Variants in DCC observed in about 807,000 individuals in gnomAD.
DCC encodes DCC netrin 1 receptor.
DCC carries 58 observed loss-of-function variants against 172.5 expected under a neutral mutation model. That is an observed-to-expected ratio of 0.34 (90% CI 0.27 to 0.42). DCC has a LOEUF of 0.42. DCC is among the 10% of genes least tolerant of loss of function. DCC has a pLI of 1.00. For synonymous variants in DCC, 709 were observed against 644.5 expected, an observed-to-expected ratio of 1.10 and a Z score of -1.52; for missense variants, 1,740 against 1,791.0, an observed-to-expected ratio of 0.97 and a Z score of 0.51.
At chr18:53,456,589 G>A (rs1448672817) in intron 23 of DCC, among the ~76,000 whole-genome samples, 2 of 152,158 alleles carry the variant, frequency 1.3e-5, no homozygotes, top group Non-Finnish European at 2.9e-5. Flanking sequence ...AGATTCACCT[G>A]GAGAGTGTTA....
At chr18:52,517,051 G>C (rs2048157235) in intron 1 of DCC, among the ~76,000 whole-genome samples, 1 of 152,154 alleles carries the variant, frequency 6.6e-6, no homozygotes, top group South Asian at 2.1e-4. Flanking sequence ...ACCAGTAAGA[G>C]CTCCACTGGC....
chr18:53,302,698 A>G (rs2057155430), intron 12 of DCC, among the ~76,000 whole-genome samples: 1 of 152,140 alleles, frequency 6.6e-6, no homozygotes. Flanking sequence ...TACTTGTGCT[A>G]TATTATCCTT....
chr18:52,791,009 A>C (rs1486781098), intron 2 of DCC, among the ~76,000 whole-genome samples: 3 of 152,082 alleles, frequency 2.0e-5, no homozygotes. Context: ...CAGGGTTAAG[A>C]GCTAAGGTGG....
At chr18:52,933,603 T>C (rs1229454737) in intron 5 of DCC, among the ~76,000 whole-genome samples, 2 of 152,066 alleles carry the variant, frequency 1.3e-5, no homozygotes. Flanking sequence ...TTGAGTATTT[T>C]GCTCATGTGG....
In DCC at chr18:52,773,527, T is replaced by TATCG. The variant is rs1048485573; in HGVS notation, c.412+21156_412+21157insGATC. Among the ~76,000 whole-genome samples, 145 of 151,624 alleles carry TATCG rather than the reference T, an allele frequency of 9.6e-4. 1 individual carries two copies. The highest frequency in any genetic ancestry group is 4.3e-4 in the Non-Finnish European group (29 of 67,924). ...ATATATCTATATCTATCTATTTATC[T>TATCG]ATCTATCTATATATTTTGAGACAGA... On this transcript the variant is annotated intron_variant, in intron 2 of 28. Coordinates refer to ENST00000442544, the MANE Select transcript of DCC (RefSeq NM_005215.4).
At chr18:52,700,202 A>G (rs1309256423) in intron 1 of DCC, among the ~76,000 whole-genome samples, 1 of 50,398 alleles carries the variant, frequency 2.0e-5, no homozygotes, top group Non-Finnish European at 4.9e-5. Context: ...ACACGCACAT[A>G]CACACATGCA....
intron 2 of DCC, among the ~76,000 whole-genome samples, chr18:52,877,391 T>C (rs912650301): frequency 6.6e-6 from 1 of 152,122 alleles, no homozygotes; most frequent in Admixed American, 6.6e-5. Context: ...TTTCTAAATA[T>C]GTAGGTTGAG....
chr18:53,140,291 T>C (rs553315099), intron 7 of DCC, among the ~76,000 whole-genome samples: 39 of 152,350 alleles, frequency 2.6e-4, no homozygotes, highest in Non-Finnish European at 4.3e-4. Context: ...AAACAAGCTT[T>C]TATCTGCATG....
chr18:53,435,077 T>C (rs1911849961), intron 21 of DCC, 67 bp from the exon 22 acceptor site: 5 of 1,201,796 alleles, frequency 4.2e-6, no homozygotes, highest in Non-Finnish European at 6.2e-6. Flanking sequence ...TGTTAAAATA[T>C]TTATTCTTTT....
chr18:53,130,611 G>T (rs2043636888), intron 7 of DCC, among the ~76,000 whole-genome samples: 1 of 152,050 alleles, frequency 6.6e-6, no homozygotes, highest in Non-Finnish European at 1.5e-5. Context: ...AGAGAGCAGG[G>T]TGTGCCTAAC....
intron 3 of DCC, among the ~76,000 whole-genome samples, chr18:52,911,861 T>C (rs1157251557): frequency 1.3e-5 from 2 of 151,974 alleles, no homozygotes; most frequent in African/African-American, 2.4e-5. Flanking sequence ...TTAAGATGGA[T>C]AAAATGATTT....
chr18:53,037,758 G>A (rs1039052317), intron 5 of DCC, among the ~76,000 whole-genome samples: 5 of 151,864 alleles, frequency 3.3e-5, no homozygotes, highest in African/African-American at 1.2e-4. Flanking sequence ...TCCATTTATG[G>A]GTTCACAACG....
intron 26 of DCC, among the ~76,000 whole-genome samples, chr18:53,498,426 C>A (rs2046052871): frequency 6.6e-6 from 1 of 152,138 alleles, no homozygotes; most frequent in Non-Finnish European, 1.5e-5. Context: ...ACCTACTATG[C>A]AGCTCGTTTT....
intron 2 of DCC, among the ~76,000 whole-genome samples, chr18:52,804,141 T>C (rs2038044393): frequency 6.6e-6 from 1 of 152,198 alleles, no homozygotes; most frequent in Admixed American, 6.5e-5. Flanking sequence ...CAATATTTTT[T>C]AAATGGCACC....
In DCC at chr18:53,339,806, T is replaced by A. The variant is rs1375683683; in HGVS notation, c.2258T>A (p.Ile753Asn). The A allele has an allele frequency of 1.2e-6, 2 of 1,613,842 alleles. No individual in the cohort carries two copies. The highest frequency in any genetic ancestry group is 2.7e-5 in the African/African-American group (2 of 74,890). ...TGGACTCCTCCCTTGAACCCAAACATCGTGGTGCGAGGTTATATTATCGGT... is the reference window on the plus strand; with the variant it reads ...TGGACTCCTCCCTTGAACCCAAACAACGTGGTGCGAGGTTATATTATCGGT... ...MSWTPPLNPN[I>N]VVRGYIIGYG... Residue 753 changes from isoleucine (I) to asparagine (N), a missense_variant, in exon 15 of 29, where the codon ATC becomes AAC. Coordinates refer to ENST00000442544, the MANE Select transcript of DCC (RefSeq NM_005215.4).
At chr18:52,743,115 G>A (rs1386979480) in intron 1 of DCC, among the ~76,000 whole-genome samples, 2 of 152,096 alleles carry the variant, frequency 1.3e-5, no homozygotes, top group Non-Finnish European at 2.9e-5. Context: ...CACAATAAAT[G>A]GCATCTCCAA....
chr18:53,479,944 TG>T (rs2045812275), intron 25 of DCC, among the ~76,000 whole-genome samples: 1 of 152,206 alleles, frequency 6.6e-6, no homozygotes, highest in Non-Finnish European at 1.5e-5. Context: ...ATTCACAATT[TG>T]TTGTGGAAAT....
At chr18:53,145,207 C>T (rs563661651) in intron 7 of DCC, among the ~76,000 whole-genome samples, 5 of 149,954 alleles carry the variant, frequency 3.3e-5, no homozygotes, top group South Asian at 4.3e-4. Flanking sequence ...CTCCGCCTCC[C>T]GGTTCTCGCC....
chr18:53,151,609 G>A (rs1345150550), intron 7 of DCC, among the ~76,000 whole-genome samples: 1 of 151,898 alleles, frequency 6.6e-6, no homozygotes, highest in Non-Finnish European at 1.5e-5. Flanking sequence ...TGTTATACAG[G>A]ATAAAAGCAT....
Sources: allele counts gnomAD v4.1 joint callset (sites outside exome capture counted in the v4.1 genomes callset), GRCh38; gene constraint gnomAD v4.1.1; transcripts MANE v1.5; gene names NCBI Gene and HGNC (gene_info 2026-07-23, HGNC 2026-07-21).